Variants in DMD observed in about 807,000 individuals in gnomAD.
DMD encodes the protein mutant dystrophin.
Under a neutral mutation model 330.1 loss-of-function variants are expected in DMD, and 63 were observed. That is an observed-to-expected ratio of 0.19 (90% confidence interval 0.16 to 0.24). The LOEUF (loss-of-function observed/expected upper bound fraction) is 0.24. Ranked by LOEUF, DMD falls within the 10% of genes least tolerant of loss-of-function variation. The probability of loss-of-function intolerance (pLI) is 1.00; values close to 1 mark genes in which losing one functional copy is unlikely to be tolerated. For missense variants in DMD, 3,344 were observed against 2,684.1 expected, an observed-to-expected ratio of 1.25 and a Z score of -5.43; for synonymous variants, 1,223 against 959.8, an observed-to-expected ratio of 1.27 and a Z score of -5.07.
At chrX:32,859,322 G>C (rs1391538428) in intron 2 of DMD, among the ~76,000 whole-genome samples, 1 of 109,460 alleles carries the variant, frequency 9.1e-6, no homozygotes, top group South Asian at 4.0e-4. Context: ...ACAAGAATTA[G>C]CTGGGCGTGG....
chrX:32,596,889 G>A (rs776188568), intron 12 of DMD, among the ~76,000 whole-genome samples: 2 of 110,494 alleles, frequency 1.8e-5, no homozygotes, highest in Admixed American at 9.7e-5. Flanking sequence ...TTTCCCTTCC[G>A]CTCAAACTAC....
intron 37 of DMD, among the ~76,000 whole-genome samples, chrX:32,352,909 G>A (rs1268253075): frequency 3.6e-5 from 4 of 110,448 alleles, no homozygotes; most frequent in South Asian, 3.8e-4. Flanking sequence ...ATATATGCTT[G>A]TCTCTCTAAA....
chrX:31,429,452 C>G (rs1010343005), intron 60 of DMD, among the ~76,000 whole-genome samples: 8 of 111,648 alleles, frequency 7.2e-5, no homozygotes, highest in Admixed American at 6.7e-4. Flanking sequence ...CGGCCAACAG[C>G]TGGGGGCTAG....
At chrX:31,331,041 C>A (rs913345917) in intron 61 of DMD, among the ~76,000 whole-genome samples, 2 of 112,444 alleles carry the variant, frequency 1.8e-5, no homozygotes, top group Non-Finnish European at 3.8e-5. Context: ...AAGATTTCAA[C>A]AGCAGAGACA....
intron 55 of DMD, among the ~76,000 whole-genome samples, chrX:31,574,496 A>C: frequency 9.0e-6 from 1 of 111,586 alleles, no homozygotes; most frequent in East Asian, 2.8e-4. Context: ...AATGGAATTT[A>C]GAATTCTGAA....
chrX:32,218,186 T>A (rs1166489060), intron 43 of DMD, among the ~76,000 whole-genome samples: 1 of 111,592 alleles, frequency 9.0e-6, no homozygotes, highest in Non-Finnish European at 1.9e-5. Context: ...GCAACAACAA[T>A]AACCAAACAG....
intron 49 of DMD, among the ~76,000 whole-genome samples, chrX:31,828,065 C>G (rs191615697): frequency 5.2e-4 from 58 of 111,330 alleles, no homozygotes; most frequent in Non-Finnish European, 9.4e-5. Context: ...TAACAAAGAT[C>G]AAAGCAGAAC....
At chrX:32,158,486 G>A (rs2096838161) in intron 44 of DMD, among the ~76,000 whole-genome samples, 1 of 111,981 alleles carries the variant, frequency 8.9e-6, no homozygotes, top group African/African-American at 3.2e-5. Context: ...GTGCCTGAGA[G>A]TCTCCATTTC....
At chrX:31,416,210 C>T (rs2061864423) in intron 60 of DMD, among the ~76,000 whole-genome samples, 1 of 111,848 alleles carries the variant, frequency 8.9e-6, no homozygotes, top group South Asian at 3.7e-4. Context: ...AAGGCCAAAA[C>T]CCAGAGACTG....
Position 32,654,615 on chromosome X carries a change from T to G in DMD, c.961-9463A>C, listed in dbSNP as rs190245997. On this transcript the variant is annotated intron_variant, in intron 9 of 78. Transcript: ENST00000357033. ...AGGATATTGGTCTAAAATTCTCTTT[T>G]TTTTGTTTTGTCTCTGCCAGGCTTT... is the stretch of plus-strand genomic sequence containing the variant. 3.9e-3 allele frequency among the ~76,000 whole-genome samples: 431 copies of G among 111,419 alleles called. 5 individuals carry two copies. The highest frequency in any genetic ancestry group is 0.031 in the Admixed American group (323 of 10,504).
At chrX:32,310,669 G>A (rs1156958191) in intron 41 of DMD, among the ~76,000 whole-genome samples, 3 of 110,417 alleles carry the variant, frequency 2.7e-5, no homozygotes, top group Admixed American at 9.7e-5. Context: ...ATGGGATTGG[G>A]TGAGGGGGAC....
At chrX:32,023,248 C>T (rs1156876093) in intron 44 of DMD, among the ~76,000 whole-genome samples, 1 of 111,335 alleles carries the variant, frequency 9.0e-6, no homozygotes, top group East Asian at 2.8e-4. Context: ...TGAAGGATTC[C>T]TAGGAGCATT....
At chrX:31,306,275 T>C (rs1368642794) in intron 62 of DMD, among the ~76,000 whole-genome samples, 1 of 111,782 alleles carries the variant, frequency 8.9e-6, no homozygotes, top group Non-Finnish European at 1.9e-5. Flanking sequence ...TCTGGTTGGT[T>C]CATAAGCGGA....
intron 74 of DMD, among the ~76,000 whole-genome samples, chrX:31,153,475 T>A (rs1475541050): frequency 9.0e-6 from 1 of 111,526 alleles, no homozygotes; most frequent in East Asian, 2.8e-4. Context: ...TACTTTTTTT[T>A]TTTTCTTTCA....
At chrX:33,148,870 T>A (rs1053216270) in intron 1 of DMD, among the ~76,000 whole-genome samples, 13 of 111,149 alleles carry the variant, frequency 1.2e-4, no homozygotes, top group Admixed American at 1.1e-3. Flanking sequence ...TAAAGATAGC[T>A]GCGAATTTTT....
Position 31,729,609 on chromosome X carries a change from C to T in DMD, c.7660+22G>A, listed in dbSNP as rs752779998. On this transcript the variant is annotated intron_variant, in intron 52 of 78. Transcript: ENST00000357033. Reference sequence around the variant, plus strand: ...TGTCATGCATCTTGCTTTGTGTGTCCCATGCTTGTTAAAAAACTTACTTCG... The same window carrying T: ...TGTCATGCATCTTGCTTTGTGTGTCTCATGCTTGTTAAAAAACTTACTTCG... The T allele has an allele frequency of 1.3e-5, 15 of 1,141,153 alleles. No homozygotes were observed. The Admixed American group carries it at 2.9e-4, about 22-fold the overall frequency. The allele number at this position is 1,141,153 out of a possible 1,213,427, so 94.0% of individuals were successfully genotyped here.
At chrX:32,081,273 T>G (rs1351112052) in intron 44 of DMD, among the ~76,000 whole-genome samples, 1 of 112,344 alleles carries the variant, frequency 8.9e-6, no homozygotes, top group African/African-American at 3.2e-5. Context: ...GAGTGCACAC[T>G]GCTTGTGTTG....
chrX:32,503,401 A>G (rs1008046283), intron 18 of DMD, among the ~76,000 whole-genome samples: 1 of 112,146 alleles, frequency 8.9e-6, no homozygotes, highest in Non-Finnish European at 1.9e-5. Flanking sequence ...TAATATGGCA[A>G]TATCAGAAAT....
intron 34 of DMD, among the ~76,000 whole-genome samples, chrX:32,370,269 G>A (rs1404839886): frequency 9.6e-6 from 1 of 104,645 alleles, no homozygotes; most frequent in Non-Finnish European, 2.0e-5. Context: ...TATCAATGGT[G>A]CATCACACAA....
Sources: gnomAD v4.1 joint callset for allele counts (sites outside exome capture counted in the v4.1 genomes callset) on GRCh38, gnomAD v4.1.1 for gene constraint, MANE v1.5 for transcripts, NCBI Gene and HGNC (gene_info 2026-07-23, HGNC 2026-07-21) for gene names.